Variants in NID2 observed in about 807,000 individuals in gnomAD.
The protein encoded by NID2 is nidogen-2.
NID2 carries 83 observed loss-of-function variants against 145.4 expected under a neutral mutation model. The observed-to-expected ratio is 0.57, with a 90% CI of 0.48 to 0.69. The LOEUF (loss-of-function observed/expected upper bound fraction) is 0.69. Among genes scored for constraint, NID2 ranks in the 30% least tolerant of loss-of-function variants. The pLI is 0.00. For synonymous variants in NID2, 739 were observed against 701.3 expected (o/e 1.05, Z -0.85); for missense variants, 1,807 against 1,765.7 (o/e 1.02, Z -0.42).
At chr14:52,045,874 G>A (rs1566766618) in intron 5 of NID2, among the ~76,000 whole-genome samples, 1 of 126,544 alleles carries the variant, frequency 7.9e-6, no homozygotes, top group South Asian at 3.0e-4. Context: ...GCCCTCCCTC[G>A]GGGGCTTTGT....
chr14:52,019,122 A>AT lies in NID2; in HGVS notation c.2966dup (p.His989GlnfsTer2). 2 of 1,614,132 alleles carry AT rather than the reference A, an allele frequency of 1.2e-6. No homozygotes were observed. Among genetic ancestry groups the AT allele is most frequent in the Non-Finnish European group, 1.7e-6 (2 of 1,180,022 alleles). On this transcript the variant is annotated frameshift_variant, in exon 14 of 22. Transcript: ENST00000216286. LOFTEE classifies it high-confidence loss of function. ...GTGGAGTCTGGGTACCAGGAACTTC[A>AT]TGACCATCAGGGTCCACGCACCAGC...
chr14:52,029,284 TAACTC>T (rs978179648), intron 10 of NID2, among the ~76,000 whole-genome samples: 3 of 152,186 alleles, frequency 2.0e-5, no homozygotes, highest in Non-Finnish European at 4.4e-5. Flanking sequence ...TTACAAAACT[TAACTC>T]AAAACATCCA....
intron 10 of NID2, among the ~76,000 whole-genome samples, chr14:52,029,293 A>G (rs1891712079): frequency 6.6e-6 from 1 of 152,232 alleles, no homozygotes; most frequent in African/African-American, 2.4e-5. Context: ...TTAACTCAAA[A>G]CATCCAGGAA....
chr14:52,065,236 C>G (rs368387948), intron 2 of NID2, among the ~76,000 whole-genome samples: 2 of 152,164 alleles, frequency 1.3e-5, no homozygotes, highest in Admixed American at 1.3e-4. Flanking sequence ...TTGAATCTTC[C>G]AGTTTCCAGT....
intron 3 of NID2, among the ~76,000 whole-genome samples, chr14:52,056,023 A>C (rs571353740): frequency 6.6e-6 from 1 of 152,224 alleles, no homozygotes; most frequent in South Asian, 2.1e-4. Flanking sequence ...AAAAGCATAG[A>C]AAGAAAAACT....
intron 9 of NID2, 40 bp from the exon 10 acceptor site, chr14:52,029,730 T>A: frequency 8.8e-6 from 14 of 1,586,742 alleles, no homozygotes; most frequent in Non-Finnish European, 1.2e-5. Context: ...AATCTGGCTA[T>A]TGGTAAGCAA....
intron 18 of NID2, chr14:52,008,210 C>T (rs1890869615): frequency 5.3e-6 from 2 of 379,158 alleles, no homozygotes; most frequent in Middle Eastern, 6.9e-4. Flanking sequence ...CTCTCTCTTG[C>T]TCCCTTTGAG....
At chr14:52,015,416 A>T in intron 14 of NID2, 141 bp from the exon 15 acceptor site, 1 of 708,170 alleles carries the variant, frequency 1.4e-6, no homozygotes, top group South Asian at 2.0e-5. Flanking sequence ...GCCCGTGGAC[A>T]CCAAACTTGG....
chr14:52,035,381 C>T (rs765605548), intron 9 of NID2, among the ~76,000 whole-genome samples: 26 of 152,216 alleles, frequency 1.7e-4, no homozygotes, highest in Non-Finnish European at 3.5e-4. Flanking sequence ...GTAGCCTTTT[C>T]AGACTAGCTG....
At chr14:52,067,815 A>C (rs758345954) in intron 2 of NID2, 43 bp downstream of exon 2, 1 of 1,602,756 alleles carries the variant, frequency 6.2e-7, no homozygotes, top group South Asian at 1.1e-5. Flanking sequence ...ATTTAAGCCC[A>C]TCCTTCAATT....
intron 8 of NID2, among the ~76,000 whole-genome samples, chr14:52,039,297 TA>T (rs1892191703): frequency 6.6e-6 from 1 of 152,214 alleles, no homozygotes; most frequent in Admixed American, 6.5e-5. Flanking sequence ...AGGTGGGCAC[TA>T]AATCATGTGA....
chr14:52,014,581 G>T, intron 15 of NID2, 125 bp from the exon 16 acceptor site: 1 of 948,184 alleles, frequency 1.1e-6, no homozygotes, highest in Non-Finnish European at 1.6e-6. Context: ...CTACGCAGAT[G>T]TGCTCCAGAT....
chr14:52,048,055 G>C (rs1892563842), intron 5 of NID2, among the ~76,000 whole-genome samples: 1 of 152,166 alleles, frequency 6.6e-6, no homozygotes, highest in South Asian at 2.1e-4. Context: ...GAAGGCTTGG[G>C]ATACAACAAG....
rs1891126349 is a variant in NID2 at position 52,014,105 on chromosome 14, C to T, written c.3420+182G>A. 1.5e-5 allele frequency: 11 copies of T among 724,760 alleles called. No individual in the cohort carries two copies. The East Asian group carries it at 3.0e-4, about 19-fold the overall frequency. The allele number at this position is 724,760 out of a possible 1,614,324, so 44.9% of individuals were successfully genotyped here. A position where few individuals can be genotyped will look rare whatever the true frequency, so the allele number is the denominator to read the frequency against. On this transcript the variant is annotated intron_variant, in intron 16 of 21. Transcript: ENST00000216286. Reference sequence around the variant, plus strand: ...CACAGCCTTGGTCAGTGACAGGTGACTCCCAGCAAGAGAGAGCCCTGGTCC... The same window carrying T: ...CACAGCCTTGGTCAGTGACAGGTGATTCCCAGCAAGAGAGAGCCCTGGTCC...
In NID2 at chr14:52,015,040, G is replaced by T. The variant is rs777096289; in HGVS notation, c.3250+14C>A. The T allele has an allele frequency of 6.2e-7, 1 of 1,604,006 alleles. No individual in the cohort carries two copies. The highest frequency in any genetic ancestry group is 2.2e-5 in the East Asian group (1 of 44,632). On this transcript the variant is annotated intron_variant, in intron 15 of 21. Coordinates refer to ENST00000216286, the MANE Select transcript of NID2 (RefSeq NM_007361.4). ...AGATACAGCTGAGGGGAGCGGGGGC[G>T]GCCAGGTGCTTACACGCAGGGGTGG...
chr14:52,049,185 TTTAATG>T (rs1279757906), intron 5 of NID2, among the ~76,000 whole-genome samples: 11 of 102,196 alleles, frequency 1.1e-4, no homozygotes, highest in Admixed American at 4.0e-4. Context: ...TTTTTTTCTA[TTTAATG>T]TTTTTTTTGT....
chr14:52,026,312 G>A (rs895941058), intron 12 of NID2, among the ~76,000 whole-genome samples: 15 of 152,178 alleles, frequency 9.9e-5, no homozygotes, highest in African/African-American at 2.4e-4. Context: ...GGGCCTGGGC[G>A]GATGGAGGCA....
rs576000866 is a variant in NID2 at position 52,010,799 on chromosome 14, C to G, written c.3722+77G>C. On this transcript the variant is annotated intron_variant, in intron 18 of 21. Transcript: ENST00000216286. ...CTTTCACTCTCTTGTTCTGACCTTC[C>G]CCACATTGTATTTAAAACCCAAGGG... 14 of 1,429,172 alleles carry G rather than the reference C, an allele frequency of 9.8e-6. No individual in the cohort carries two copies. In the African/African-American group the frequency reaches 1.3e-4, roughly 13 times the overall value. 88.5% of individuals were successfully genotyped at this position (1,429,172 alleles called of 1,614,324 possible). A position where few individuals can be genotyped will look rare whatever the true frequency, so the allele number is the denominator to read the frequency against.
At chr14:52,021,755 A>G (rs958671117) in intron 12 of NID2, among the ~76,000 whole-genome samples, 2 of 152,208 alleles carry the variant, frequency 1.3e-5, no homozygotes, top group Admixed American at 1.3e-4. Context: ...GCAGATATCA[A>G]TTCATCTGCA....
Sources: gnomAD v4.1 joint callset for allele counts (sites outside exome capture counted in the v4.1 genomes callset) on GRCh38, gnomAD v4.1.1 for gene constraint, MANE v1.5 for transcripts, NCBI Gene and HGNC (gene_info 2026-07-23, HGNC 2026-07-21) for gene names.